Variants in AHCYL2 observed in about 807,000 individuals in gnomAD.
AHCYL2 encodes the protein adenosylhomocysteinase like 2.
In AHCYL2, 28 loss-of-function variants were observed where a neutral mutation model predicts 81.4. That is an observed-to-expected ratio of 0.34 (90% CI 0.25 to 0.47). The LOEUF is 0.47. Ranked by LOEUF, AHCYL2 falls within the 20% of genes least tolerant of loss-of-function variation. The pLI, the probability that AHCYL2 is intolerant of heterozygous loss-of-function variation, is 1.00. For synonymous variants in AHCYL2, 272 were observed against 290.2 expected (o/e 0.94, Z 0.64); for missense variants, 551 against 785.1 (o/e 0.70, Z 3.56).
intron 1 of AHCYL2, among the ~76,000 whole-genome samples, chr7:129,348,599 C>T (rs1042186312): frequency 6.6e-6 from 1 of 152,112 alleles, no homozygotes; most frequent in African/African-American, 2.4e-5. Flanking sequence ...AGAAACCTAT[C>T]TTATGGGATT....
At chr7:129,288,926 C>T (rs982407605) in intron 1 of AHCYL2, among the ~76,000 whole-genome samples, 8 of 151,414 alleles carry the variant, frequency 5.3e-5, no homozygotes, top group East Asian at 2.0e-4. Context: ...TGCACCACCA[C>T]GCCTGGCTAA....
intron 1 of AHCYL2, among the ~76,000 whole-genome samples, chr7:129,276,443 A>C (rs1029658248): frequency 6.6e-6 from 1 of 151,570 alleles, no homozygotes; most frequent in African/African-American, 2.4e-5. Flanking sequence ...AAAAAAAAAA[A>C]CCAGAACTGA....
At chr7:129,357,968 G>A (rs1190495031) in intron 1 of AHCYL2, among the ~76,000 whole-genome samples, 1 of 150,686 alleles carries the variant, frequency 6.6e-6, no homozygotes, top group Non-Finnish European at 1.5e-5. Flanking sequence ...GCCTCAAATA[G>A]ATATTTGCAC....
At position 129,379,679 on chromosome 7, in the gene AHCYL2, T is replaced by A. The variant is rs1207304707; in HGVS notation, c.405T>A (p.Arg135=). The A allele has an allele frequency of 6.2e-7, 1 of 1,614,086 alleles. No individual in the cohort carries two copies. The highest frequency in any genetic ancestry group is 8.5e-7 in the Non-Finnish European group (1 of 1,179,992). ...ACCAGAAGCAAGAATTCAACAAACG[T>A]CCCACCAAAATTGGACGTCGCTCTT... ...FADQKQEFNK[R]PTKIGRRSLS... The change falls in exon 2 of 17, where the codon CGT becomes CGA. Residue 135 remains arginine (R), a synonymous_variant. Coordinates refer to ENST00000325006, the MANE Select transcript of AHCYL2 (RefSeq NM_015328.4).
chr7:129,255,991 A>C (rs1344248658), intron 1 of AHCYL2, among the ~76,000 whole-genome samples: 1 of 151,986 alleles, frequency 6.6e-6, no homozygotes, highest in African/African-American at 2.4e-5. Context: ...AGAAAGTGAG[A>C]TTGAGTTCAA....
chr7:129,377,651 A>G (rs1022978978), intron 1 of AHCYL2: 10 of 456,162 alleles, frequency 2.2e-5, no homozygotes, highest in South Asian at 3.1e-5. Context: ...ACCTTTGATC[A>G]TTTTCATTAG....
intron 1 of AHCYL2, among the ~76,000 whole-genome samples, chr7:129,332,686 A>G (rs1350383687): frequency 3.9e-5 from 6 of 152,162 alleles, no homozygotes; most frequent in Non-Finnish European, 7.4e-5. Flanking sequence ...ACCTGGATGA[A>G]CATAATTTGA....
chr7:129,269,068 G>A (rs1431833741), intron 1 of AHCYL2, among the ~76,000 whole-genome samples: 2 of 151,172 alleles, frequency 1.3e-5, no homozygotes, highest in African/African-American at 4.9e-5. Context: ...ATAACCATAT[G>A]TGTAGACCTT....
intron 5 of AHCYL2, among the ~76,000 whole-genome samples, chr7:129,398,904 A>G (rs9770833): frequency 0.013 from 1,957 of 152,052 alleles, 41 homozygotes; most frequent in African/African-American, 0.045. Flanking sequence ...CACTTTGGGA[A>G]GCTGAGGCAG....
intron 6 of AHCYL2, among the ~76,000 whole-genome samples, chr7:129,402,975 A>G (rs529818523): frequency 1.6e-4 from 24 of 152,178 alleles, no homozygotes; most frequent in African/African-American, 5.5e-4. Flanking sequence ...GAGGCTGTTT[A>G]TTTAAACTAA....
At chr7:129,299,809 G>T (rs1248962083) in intron 1 of AHCYL2, among the ~76,000 whole-genome samples, 2 of 152,146 alleles carry the variant, frequency 1.3e-5, no homozygotes, top group Admixed American at 1.3e-4. Flanking sequence ...TGTATATGTG[G>T]AAGATGATTC....
At chr7:129,278,144 A>C (rs1317423615) in intron 1 of AHCYL2, among the ~76,000 whole-genome samples, 2 of 152,194 alleles carry the variant, frequency 1.3e-5, no homozygotes, top group East Asian at 1.9e-4. Context: ...GTTTTAATGT[A>C]CTTAAGTGAC....
chr7:129,397,373 A>C, intron 5 of AHCYL2, 49 bp downstream of exon 5: 2 of 1,530,200 alleles, frequency 1.3e-6, no homozygotes, highest in Non-Finnish European at 1.8e-6. Flanking sequence ...CTATTTGGAG[A>C]CTTACTTTAT....
intron 1 of AHCYL2, among the ~76,000 whole-genome samples, chr7:129,283,624 A>G (rs1446362033): frequency 6.6e-6 from 1 of 152,170 alleles, no homozygotes; most frequent in African/African-American, 2.4e-5. Context: ...TTTTGAGACT[A>G]AAGTTTTATA....
chr7:129,242,329 CTTT>C (rs768756801), intron 1 of AHCYL2, among the ~76,000 whole-genome samples: 4 of 141,962 alleles, frequency 2.8e-5, no homozygotes, highest in Admixed American at 7.1e-5. Context: ...CAAGCCTGGC[CTTT>C]TTTTTTTTTT....
chr7:129,267,657 G>C (rs1795864576), intron 1 of AHCYL2, among the ~76,000 whole-genome samples: 1 of 152,142 alleles, frequency 6.6e-6, no homozygotes, highest in Non-Finnish European at 1.5e-5. Flanking sequence ...GAAGGTGGAG[G>C]TGAGGCTAGT....
At chr7:129,279,661 G>A (rs576653560) in intron 1 of AHCYL2, among the ~76,000 whole-genome samples, 90 of 152,264 alleles carry the variant, frequency 5.9e-4, no homozygotes, top group African/African-American at 2.1e-3. Context: ...GAGTGCTGCT[G>A]GTTGGCTATT....
intron 12 of AHCYL2, among the ~76,000 whole-genome samples, chr7:129,415,975 G>A (rs112749559): frequency 0.013 from 2,006 of 152,108 alleles, 43 homozygotes; most frequent in African/African-American, 0.045. Context: ...GGAGGCTGAG[G>A]TTACAGTGAG....
intron 1 of AHCYL2, among the ~76,000 whole-genome samples, chr7:129,353,033 C>T (rs1047273786): frequency 8.1e-5 from 12 of 147,988 alleles, no homozygotes; most frequent in African/African-American, 2.7e-4. Context: ...GCAGCCTCTG[C>T]CTCCCGGGTT....
Sources: gnomAD v4.1 joint callset for allele counts (sites outside exome capture counted in the v4.1 genomes callset) on GRCh38, gnomAD v4.1.1 for gene constraint, MANE v1.5 for transcripts, NCBI Gene and HGNC (gene_info 2026-07-23, HGNC 2026-07-21) for gene names.